Variants in GALK2 observed in about 807,000 individuals in gnomAD.
GALK2 encodes the protein galactokinase 2, also known as N-acetylgalactosamine kinase.
GALK2 carries 36 observed loss-of-function variants against 52.4 expected under a neutral mutation model. The ratio of observed to expected loss-of-function variants is 0.69; its 90% CI spans 0.53 to 0.91. The LOEUF (loss-of-function observed/expected upper bound fraction) is 0.91. GALK2 is among the 40% of genes least tolerant of loss of function. GALK2 has a pLI of 0.00. For synonymous variants in GALK2, 176 were observed against 199.1 expected (o/e 0.88, Z 0.98); for missense variants, 579 against 559.1 (o/e 1.04, Z -0.36).
intron 5 of GALK2, among the ~76,000 whole-genome samples, chr15:49,245,321 G>T (rs564093387): frequency 6.6e-6 from 1 of 152,172 alleles, no homozygotes; most frequent in Non-Finnish European, 1.5e-5. Flanking sequence ...TTGGGGATAG[G>T]GATGACAGAG....
At position 49,269,925 on chromosome 15, in the gene GALK2, C is replaced by T. The variant is rs1309951813; in HGVS notation, c.505-12062C>T. 3.3e-5 allele frequency among the ~76,000 whole-genome samples: 5 copies of T among 152,220 alleles called. No individual in the cohort carries two copies. In the East Asian group the frequency reaches 5.8e-4, roughly 18 times the overall value. Reference sequence around the variant, plus strand: ...AGAATCCTTTGAAGTTTGAAGGAACCGCTTGTGCGTCCTCTTATTCTTTCT... The same window carrying T: ...AGAATCCTTTGAAGTTTGAAGGAACTGCTTGTGCGTCCTCTTATTCTTTCT... On this transcript the variant is annotated intron_variant, in intron 5 of 9. Coordinates refer to ENST00000560031, the MANE Select transcript of GALK2 (RefSeq NM_002044.4).
At chr15:49,236,299 C>T (rs1230931906) in intron 4 of GALK2, among the ~76,000 whole-genome samples, 4 of 151,930 alleles carry the variant, frequency 2.6e-5, no homozygotes, top group Non-Finnish European at 4.4e-5. Context: ...TAGAGTCAGC[C>T]CAGGTTTGAA....
Position 49,328,685 on chromosome 15 carries a change from T to G in GALK2, c.*526T>G, listed in dbSNP as rs2151118516. 6.4e-7 allele frequency: 1 copy of G among 1,551,354 alleles called. No individual in the cohort carries two copies. The highest frequency in any genetic ancestry group is 1.2e-5 in the South Asian group (1 of 84,022). ...TTTCAGCTTCGGAACGCTATGAAAA[T>G]AATACATGATTAAAGTTTCACAGAT... On this transcript the variant is annotated 3_prime_UTR_variant, in exon 10 of 10. Transcript: ENST00000560031.
At chr15:49,341,060 G>C (rs932719730) in intron 3 of GALK2, among the ~76,000 whole-genome samples, 1 of 152,146 alleles carries the variant, frequency 6.6e-6, no homozygotes, top group Non-Finnish European at 1.5e-5. Flanking sequence ...CTTTTTTGGA[G>C]ATCACATAGT....
chr15:49,367,421 A>C, intron 3 of GALK2: 1 of 1,502,182 alleles, frequency 6.7e-7, no homozygotes, highest in Non-Finnish European at 8.9e-7. Flanking sequence ...AAGAAATTAT[A>C]TTAAAGCAAA....
chr15:49,250,317 G>A (rs1433338993), intron 5 of GALK2, among the ~76,000 whole-genome samples: 2 of 152,114 alleles, frequency 1.3e-5, no homozygotes, highest in African/African-American at 4.8e-5. Context: ...TGCAGTATTG[G>A]AGACACAAAG....
chr15:49,219,807 T>C (rs1397586548), intron 3 of GALK2, among the ~76,000 whole-genome samples: 2 of 152,034 alleles, frequency 1.3e-5, no homozygotes, highest in Non-Finnish European at 2.9e-5. Context: ...CGAGACTCTG[T>C]CTCAAAAAAA....
intron 3 of GALK2, among the ~76,000 whole-genome samples, chr15:49,232,646 A>G (rs1286763140): frequency 2.0e-5 from 3 of 152,248 alleles, no homozygotes; most frequent in African/African-American, 7.2e-5. Context: ...TTGCTCACGC[A>G]TATGAACATA....
chr15:49,192,485 G>GTGTGTATATATA (rs1360198549), intron 1 of GALK2, among the ~76,000 whole-genome samples: 12 of 102,976 alleles, frequency 1.2e-4, no homozygotes, highest in African/African-American at 4.9e-4. Flanking sequence ...ATATATATAT[G>GTGTGTATATATA]TATATATATA....
chr15:49,183,493 T>G (rs1566912754), intron 1 of GALK2, among the ~76,000 whole-genome samples: 2 of 152,262 alleles, frequency 1.3e-5, no homozygotes, highest in Non-Finnish European at 1.5e-5. Flanking sequence ...ATTTCTAGTT[T>G]TATTCCATTG....
upstream of GALK2, among the ~76,000 whole-genome samples, chr15:49,166,854 G>GT (rs1392626124): frequency 6.6e-6 from 1 of 152,194 alleles, no homozygotes; most frequent in East Asian, 1.9e-4. Context: ...AGTTTTTATT[G>GT]TAAGTCAAAA....
intron 3 of GALK2, among the ~76,000 whole-genome samples, chr15:49,357,729 C>G (rs1465645881): frequency 6.6e-6 from 1 of 152,208 alleles, no homozygotes; most frequent in South Asian, 2.1e-4. Context: ...TCCTCCCTAA[C>G]TCATTTATGA....
intron 1 of GALK2, among the ~76,000 whole-genome samples, chr15:49,177,305 TTC>T (rs772330608): frequency 1.0e-4 from 15 of 144,146 alleles, no homozygotes; most frequent in Non-Finnish European, 2.1e-4. Context: ...ATTATTTATT[TTC>T]TTTTTTTCTT....
chr15:49,265,966 A>AT (rs916548662), intron 5 of GALK2, among the ~76,000 whole-genome samples: 11 of 152,078 alleles, frequency 7.2e-5, no homozygotes, highest in Admixed American at 4.6e-4. Flanking sequence ...CTGTGTAACA[A>AT]TTTTTTTCGA....
chr15:49,215,688 C>T (rs947540068), intron 2 of GALK2, among the ~76,000 whole-genome samples: 1 of 152,232 alleles, frequency 6.6e-6, no homozygotes, highest in Non-Finnish European at 1.5e-5. Flanking sequence ...CTTTTGAATT[C>T]TCTGTCTGAA....
chr15:49,357,970 G>A (rs959864751), intron 3 of GALK2, among the ~76,000 whole-genome samples: 4 of 151,894 alleles, frequency 2.6e-5, no homozygotes, highest in African/African-American at 9.7e-5. Flanking sequence ...CATATAAACA[G>A]AGCCAAAGAC....
chr15:49,310,735 TTTG>T (rs1054896089), intron 8 of GALK2, among the ~76,000 whole-genome samples: 10 of 152,124 alleles, frequency 6.6e-5, no homozygotes, highest in Non-Finnish European at 1.5e-5. Context: ...AATTGGATTT[TTTG>T]TTGTTGTTGT....
chr15:49,342,235 G>A (rs1478249595), intron 3 of GALK2, among the ~76,000 whole-genome samples: 2 of 152,070 alleles, frequency 1.3e-5, no homozygotes. Context: ...TATATATTTA[G>A]GATAGTTAAG....
chr15:49,244,198 T>C (rs2091237869), intron 5 of GALK2, among the ~76,000 whole-genome samples: 1 of 151,976 alleles, frequency 6.6e-6, no homozygotes, highest in Non-Finnish European at 1.5e-5. Flanking sequence ...CTCATCAGCC[T>C]CTCAAAGCTC....
Sources: gnomAD v4.1 joint callset for allele counts (sites outside exome capture counted in the v4.1 genomes callset) on GRCh38, gnomAD v4.1.1 for gene constraint, MANE v1.5 for transcripts, NCBI Gene and HGNC (gene_info 2026-07-23, HGNC 2026-07-21) for gene names.